Variants in CAMTA1 observed in about 807,000 individuals in gnomAD.
The protein encoded by CAMTA1 is calmodulin binding transcription activator 1.
In CAMTA1, 27 loss-of-function variants were observed where a neutral mutation model predicts 170.9. The observed-to-expected ratio is 0.16, with a 90% CI of 0.12 to 0.22. CAMTA1 has a LOEUF of 0.22. Ranked by LOEUF, CAMTA1 falls within the 10% of genes least tolerant of loss-of-function variation. The probability of loss-of-function intolerance (pLI) is 1.00; values close to 1 mark genes in which losing one functional copy is unlikely to be tolerated. For missense variants in CAMTA1, 1,619 were observed against 2,217.2 expected (o/e 0.73, Z 5.42); for synonymous variants, 833 against 891.5 (o/e 0.93, Z 1.17).
intron 19 of CAMTA1, 158 bp from the exon 20 acceptor site, chr1:7,751,041 T>G (rs1558299097): frequency 4.0e-6 from 3 of 746,500 alleles, no homozygotes; most frequent in Non-Finnish European, 7.2e-6. Flanking sequence ...GGTGTAAAGA[T>G]TCCTCATTTG....
intron 6 of CAMTA1, among the ~76,000 whole-genome samples, chr1:7,502,244 C>A (rs1253220842): frequency 1.3e-5 from 2 of 152,314 alleles, no homozygotes; most frequent in South Asian, 2.1e-4. Context: ...CCCTGGCCAA[C>A]GGCAAGCCTA....
chr1:7,539,663 C>G (rs990228385), intron 6 of CAMTA1, among the ~76,000 whole-genome samples: 1 of 152,206 alleles, frequency 6.6e-6, no homozygotes, highest in South Asian at 2.1e-4. Context: ...AGGATGCTAT[C>G]GTTCTCATAC....
intron 5 of CAMTA1, among the ~76,000 whole-genome samples, chr1:7,371,447 A>G (rs1375366424): frequency 6.6e-6 from 1 of 151,370 alleles, no homozygotes; most frequent in Non-Finnish European, 1.5e-5. Context: ...TTTAGTAGAG[A>G]TGGGGTTTCA....
intron 4 of CAMTA1, among the ~76,000 whole-genome samples, chr1:7,170,854 A>AT (rs1215870197): frequency 6.6e-6 from 1 of 152,168 alleles, no homozygotes; most frequent in African/African-American, 2.4e-5. Context: ...TATTTGGACA[A>AT]TATGATGCTA....
At chr1:7,290,972 G>A (rs909537004) in intron 5 of CAMTA1, among the ~76,000 whole-genome samples, 1 of 152,146 alleles carries the variant, frequency 6.6e-6, no homozygotes. Context: ...GTGGCAGAAT[G>A]GGAACTGACC....
chr1:7,701,746 G>C (rs2096442451), intron 11 of CAMTA1, among the ~76,000 whole-genome samples: 1 of 152,036 alleles, frequency 6.6e-6, no homozygotes, highest in Non-Finnish European at 1.5e-5. Flanking sequence ...GACAAAAATT[G>C]CACTTAACCT....
rs1014461123 is a variant in CAMTA1, at chr1:7,234,945, C to T, written c.303-14546C>T. 6.6e-6 allele frequency among the ~76,000 whole-genome samples: 1 copy of T among 152,052 alleles called. No homozygotes were observed. The highest frequency in any genetic ancestry group is 2.4e-5 in the African/African-American group (1 of 41,384). On this transcript the variant is annotated intron_variant, in intron 4 of 22. Coordinates refer to ENST00000303635, the MANE Select transcript of CAMTA1 (RefSeq NM_015215.4). This position sits in a 1 kb window ranked among gnomAD's most constrained non-coding sequence, Gnocchi z 5.0. The stretch of plus-strand genomic sequence containing the variant: ...GGGATTAAAAGCACCTGCCACCACA[C>T]CTGGCTAATTTTTGTATTTTTAGTA...
At chr1:7,110,732 G>A (rs375164230) in intron 4 of CAMTA1, among the ~76,000 whole-genome samples, 72 of 152,298 alleles carry the variant, frequency 4.7e-4, no homozygotes, top group South Asian at 2.5e-3. Context: ...GCTGCTCCTC[G>A]GGTTCACCCG....
At chr1:6,982,649 C>T (rs539536699) in intron 3 of CAMTA1, among the ~76,000 whole-genome samples, 2,946 of 152,308 alleles carry the variant, frequency 0.019, 78 homozygotes, top group African/African-American at 0.066. Flanking sequence ...CAGCATGGCC[C>T]CGGGTTCTGG....
At chr1:6,873,334 A>T (rs1198853785) in intron 3 of CAMTA1, among the ~76,000 whole-genome samples, 1 of 151,558 alleles carries the variant, frequency 6.6e-6, no homozygotes, top group Admixed American at 6.6e-5. Flanking sequence ...TGCCTTAAGT[A>T]TGTCCTTTAT....
At chr1:6,926,293 C>T (rs1338052733) in intron 3 of CAMTA1, among the ~76,000 whole-genome samples, 1 of 151,534 alleles carries the variant, frequency 6.6e-6, no homozygotes, top group Non-Finnish European at 1.5e-5. Context: ...ACCTACCTTC[C>T]TTTCCTCTCC....
At chr1:7,599,705 G>A (rs1463140145) in intron 6 of CAMTA1, among the ~76,000 whole-genome samples, 1 of 152,280 alleles carries the variant, frequency 6.6e-6, no homozygotes, top group East Asian at 1.9e-4. Flanking sequence ...TGAAGCAGTT[G>A]TGAATAGGAG....
intron 3 of CAMTA1, among the ~76,000 whole-genome samples, chr1:6,883,796 G>A (rs777517500): frequency 1.1e-4 from 17 of 152,026 alleles, no homozygotes; most frequent in Non-Finnish European, 2.2e-4. Flanking sequence ...AGTGAGTCAC[G>A]TGTAATTTTT....
chr1:7,077,224 GTTTTTTTTT>G (rs113439901), intron 3 of CAMTA1, among the ~76,000 whole-genome samples: 2 of 118,630 alleles, frequency 1.7e-5, no homozygotes, highest in East Asian at 2.6e-4. Context: ...TTAAGGAAAG[GTTTTTTTTT>G]TTTTTTTTTT....
intron 4 of CAMTA1, among the ~76,000 whole-genome samples, chr1:7,124,559 T>C (rs926229705): frequency 6.6e-6 from 1 of 152,236 alleles, no homozygotes; most frequent in African/African-American, 2.4e-5. Context: ...CGCTTGACTA[T>C]AAAGTCCTTG....
intron 1 of CAMTA1, among the ~76,000 whole-genome samples, chr1:6,805,474 T>C (rs1644405684): frequency 6.6e-6 from 1 of 152,234 alleles, no homozygotes; most frequent in Non-Finnish European, 1.5e-5. Context: ...ACATGTGATA[T>C]GTGATTTTTC....
At chr1:6,875,951 T>C (rs998237396) in intron 3 of CAMTA1, among the ~76,000 whole-genome samples, 10 of 152,210 alleles carry the variant, frequency 6.6e-5, no homozygotes, top group Non-Finnish European at 8.8e-5. Flanking sequence ...GTTGACTCCA[T>C]TGTAAGGTAA....
intron 5 of CAMTA1, among the ~76,000 whole-genome samples, chr1:7,272,692 C>CAAAAAAAACAAAA (rs1669987328): frequency 2.6e-5 from 1 of 38,804 alleles, no homozygotes; most frequent in African/African-American, 9.3e-5. Context: ...TAAACACATG[C>CAAAAAAAACAAAA]AAAAAAAAAA....
At chr1:7,564,223 T>C (rs2095003272) in intron 6 of CAMTA1, among the ~76,000 whole-genome samples, 1 of 152,202 alleles carries the variant, frequency 6.6e-6, no homozygotes, top group South Asian at 2.1e-4. Flanking sequence ...GGGCTGGCCT[T>C]TGTCACTCCA....
Sources: gnomAD v4.1 joint callset for allele counts (sites outside exome capture counted in the v4.1 genomes callset) on GRCh38, gnomAD v4.1.1 for gene constraint, Gnocchi (gnomAD v3.1) non-coding constraint, MANE v1.5 for transcripts, NCBI Gene and HGNC (gene_info 2026-07-23, HGNC 2026-07-21) for gene names.